Variants in PARD3B observed in about 807,000 individuals in gnomAD.
The protein encoded by PARD3B is partitioning defective 3 homolog B.
PARD3B carries 103 observed loss-of-function variants against 130.2 expected under a neutral mutation model. That is an observed-to-expected ratio of 0.79 (90% CI 0.67 to 0.93). The LOEUF is 0.93. Ranked by LOEUF, PARD3B falls within the 40% of genes least tolerant of loss-of-function variation. PARD3B has a pLI of 0.00. For missense variants in PARD3B, 1,609 were observed against 1,499.2 expected, an observed-to-expected ratio of 1.07 and a Z score of -1.21; for synonymous variants, 583 against 553.2, an observed-to-expected ratio of 1.05 and a Z score of -0.76.
chr2:205,383,121 T>TAGAGAGATAGATAGAG (rs1559038905), intron 18 of PARD3B, among the ~76,000 whole-genome samples: 1 of 150,744 alleles, frequency 6.6e-6, no homozygotes, highest in Non-Finnish European at 1.5e-5. Context: ...GATAGATAGA[T>TAGAGAGATAGATAGAG]AGATAGATAG....
At chr2:204,712,885 A>G (rs575850214) in intron 2 of PARD3B, among the ~76,000 whole-genome samples, 1 of 152,274 alleles carries the variant, frequency 6.6e-6, no homozygotes, top group South Asian at 2.1e-4. Flanking sequence ...ATATGTATAT[A>G]TCCCTAAATA....
intron 18 of PARD3B, among the ~76,000 whole-genome samples, chr2:205,373,649 A>G (rs1275604987): frequency 6.6e-6 from 1 of 152,216 alleles, no homozygotes; most frequent in Non-Finnish European, 1.5e-5. Flanking sequence ...TTCAATGACA[A>G]TATTTCTTAT....
At chr2:204,902,668 CAAAAAAAAAA>C (rs5837941) in intron 2 of PARD3B, among the ~76,000 whole-genome samples, 5 of 67,650 alleles carry the variant, frequency 7.4e-5, no homozygotes, top group Non-Finnish European at 1.1e-4. Context: ...GACTCTGTCT[CAAAAAAAAAA>C]AAAAAAAAAA....
intron 1 of PARD3B, among the ~76,000 whole-genome samples, chr2:204,613,029 C>T (rs999242384): frequency 2.6e-5 from 4 of 152,042 alleles, no homozygotes; most frequent in Non-Finnish European, 5.9e-5. Flanking sequence ...AGCTGAGTCA[C>T]ACAGGATACT....
chr2:204,736,192 A>G (rs543561614), intron 2 of PARD3B, among the ~76,000 whole-genome samples: 9 of 152,022 alleles, frequency 5.9e-5, no homozygotes, highest in Non-Finnish European at 1.3e-4. Flanking sequence ...GAAACTAAAG[A>G]TTAACTGATT....
In PARD3B at chr2:205,584,886, A is replaced by G. The variant is rs1437475655; in HGVS notation, c.3261-30570A>G. Among the ~76,000 whole-genome samples the G allele has an allele frequency of 6.6e-6, 1 of 152,070 alleles. No individual in the cohort carries two copies. The highest frequency in any genetic ancestry group is 1.5e-5 in the Non-Finnish European group (1 of 68,038). On this transcript the variant is annotated intron_variant, in intron 22 of 22. Coordinates refer to ENST00000406610, the MANE Select transcript of PARD3B (RefSeq NM_001302769.2). The surrounding 1 kb of genome is among the most constrained non-coding windows in gnomAD (Gnocchi z 5.5). ...AAACACTTTTTTCCCCTTAGATTGTACATAATACCAGGCACACCTGGATTT... is the reference window on the plus strand; with the variant it reads ...AAACACTTTTTTCCCCTTAGATTGTGCATAATACCAGGCACACCTGGATTT...
At position 205,253,122 on chromosome 2, in the gene PARD3B, A is replaced by G. The variant is rs2039928779; in HGVS notation, c.2185+7300A>G. Among the ~76,000 whole-genome samples the G allele has an allele frequency of 6.6e-6, 1 of 152,188 alleles. No homozygotes were observed. Among genetic ancestry groups the G allele is most frequent in the Non-Finnish European group, 1.5e-5 (1 of 68,036 alleles). Reference sequence around the variant, plus strand: ...ATTTCTTGATCACATATCTCCAGGTATACTGGAATTTGCTGGTATCTCCAG... The same window carrying G: ...ATTTCTTGATCACATATCTCCAGGTGTACTGGAATTTGCTGGTATCTCCAG... On this transcript the variant is annotated intron_variant, in intron 16 of 22. Coordinates refer to ENST00000406610, the MANE Select transcript of PARD3B (RefSeq NM_001302769.2). The surrounding 1 kb of genome is among the most constrained non-coding windows in gnomAD (Gnocchi z 4.4).
At chr2:205,581,285 TATAGATAGATATAGATAG>T (rs1284490248) in intron 22 of PARD3B, among the ~76,000 whole-genome samples, 1 of 79,710 alleles carries the variant, frequency 1.3e-5, no homozygotes, top group Non-Finnish European at 2.7e-5. Flanking sequence ...GATATAGATA[TATAGATAGATATAGATAG>T]ATAGATAGAT....
intron 2 of PARD3B, among the ~76,000 whole-genome samples, chr2:204,854,258 T>A (rs2044829317): frequency 6.6e-6 from 1 of 152,122 alleles, no homozygotes; most frequent in Non-Finnish European, 1.5e-5. Flanking sequence ...AAGGTCTATA[T>A]GGAAGTAGTG....
At position 205,259,947 on chromosome 2, in the gene PARD3B, T is replaced by C. The variant is rs76547073; in HGVS notation, c.2185+14125T>C. 7.7e-3 allele frequency among the ~76,000 whole-genome samples: 1,174 copies of C among 152,232 alleles called. 16 individuals are homozygous for C. Among genetic ancestry groups the C allele is most frequent in the African/African-American group, 0.027 (1,114 of 41,556 alleles). ...TCATATACATGTTGTACACATAGGCTGAAGATAATTTTATATAATATTTTT... is the reference window on the plus strand; with the variant it reads ...TCATATACATGTTGTACACATAGGCCGAAGATAATTTTATATAATATTTTT... On this transcript the variant is annotated intron_variant, in intron 16 of 22. Transcript: ENST00000406610.
chr2:205,280,101 T>A lies in PARD3B; in HGVS notation c.2186-20429T>A, dbSNP rs1574582282. ...TCTTTGTGTTAGGATTTCTTCTGTC[T>A]AAAGGTAGGAATAGCAGTTGCCATT... On this transcript the variant is annotated intron_variant, in intron 16 of 22. Transcript: ENST00000406610. The surrounding 1 kb of genome is among the most constrained non-coding windows in gnomAD (Gnocchi z 4.7). 6.6e-6 allele frequency among the ~76,000 whole-genome samples: 1 copy of A among 152,204 alleles called. No individual in the cohort carries two copies. The highest frequency in any genetic ancestry group is 1.9e-4 in the East Asian group (1 of 5,198).
intron 3 of PARD3B, among the ~76,000 whole-genome samples, chr2:205,024,423 C>A (rs745542852): frequency 7.9e-5 from 12 of 152,066 alleles, no homozygotes; most frequent in Non-Finnish European, 1.3e-4. Context: ...CATGCCCCAG[C>A]CTCCCAAAGT....
At position 205,467,295 on chromosome 2, in the gene PARD3B, G is replaced by T. The variant is rs192656964; in HGVS notation, c.3044+26623G>T. Among the ~76,000 whole-genome samples, 128 of 152,250 alleles carry T rather than the reference G, an allele frequency of 8.4e-4. 1 individual carries two copies. Among genetic ancestry groups the T allele is most frequent in the Non-Finnish European group, 1.6e-3 (109 of 68,030 alleles). On this transcript the variant is annotated intron_variant, in intron 20 of 22. Transcript: ENST00000406610. ...TGTGTGTTTATTAATTCTGTGAAAT[G>T]CCATTGAATTACAATAAATAGGAAG...
intron 2 of PARD3B, among the ~76,000 whole-genome samples, chr2:204,780,390 C>G (rs1163471038): frequency 6.6e-6 from 1 of 151,948 alleles, no homozygotes; most frequent in Non-Finnish European, 1.5e-5. Flanking sequence ...TAGTTATGGG[C>G]AAATAATCGG....
intron 18 of PARD3B, chr2:205,347,990 TCTG>T (rs1364679428): frequency 6.6e-6 from 1 of 152,152 alleles, no homozygotes; most frequent in African/African-American, 2.4e-5. Context: ...ACAGGGCAAA[TCTG>T]CTGAGTCTTG....
chr2:204,642,200 A>G (rs1202711088), intron 1 of PARD3B, among the ~76,000 whole-genome samples: 3 of 152,118 alleles, frequency 2.0e-5, no homozygotes, highest in South Asian at 2.1e-4. Context: ...TTAATTATCT[A>G]TGGGTGCACT....
At chr2:204,695,153 T>C (rs2037550391) in intron 2 of PARD3B, among the ~76,000 whole-genome samples, 1 of 152,020 alleles carries the variant, frequency 6.6e-6, no homozygotes, top group Non-Finnish European at 1.5e-5. Flanking sequence ...TTTCACCATA[T>C]GTTACATTAC....
At position 205,183,810 on chromosome 2, in the gene PARD3B, A is replaced by G. The variant is rs1438265990; in HGVS notation, c.1925-1954A>G. ...TGATAAGGAATTGGCTCACATGGCC[A>G]TGGAGACAGGCACATCCCAGGATCT... On this transcript the variant is annotated intron_variant, in intron 13 of 22. Coordinates refer to ENST00000406610, the MANE Select transcript of PARD3B (RefSeq NM_001302769.2). This position sits in a 1 kb window ranked among gnomAD's most constrained non-coding sequence, Gnocchi z 5.2. Among the ~76,000 whole-genome samples, 1 of 151,606 alleles carries G rather than the reference A, an allele frequency of 6.6e-6. No homozygotes were observed. Among genetic ancestry groups the G allele is most frequent in the Non-Finnish European group, 1.5e-5 (1 of 67,932 alleles).
At chr2:204,815,017 CTGTTTCTGTAA>C (rs1344394929) in intron 2 of PARD3B, among the ~76,000 whole-genome samples, 1 of 151,644 alleles carries the variant, frequency 6.6e-6, no homozygotes, top group Non-Finnish European at 1.5e-5. Context: ...TCATAATTTT[CTGTTTCTGTAA>C]TGTTTCTGTA....
Sources: gnomAD v4.1 joint callset for allele counts (sites outside exome capture counted in the v4.1 genomes callset) on GRCh38, gnomAD v4.1.1 for gene constraint, Gnocchi (gnomAD v3.1) non-coding constraint, MANE v1.5 for transcripts, NCBI Gene and HGNC (gene_info 2026-07-23, HGNC 2026-07-21) for gene names.